FAM200B: variants seen among roughly 807,000 people sequenced by gnomAD.
FAM200B encodes zinc finger BED-type containing 11, also known as protein FAM200B.
A neutral mutation model predicts 33.1 loss-of-function variants in FAM200B; 32 were observed. That is an observed-to-expected ratio of 0.97 (90% CI 0.73 to 1.30). The LOEUF is 1.30. Ranked by LOEUF, FAM200B falls within the 50% of genes most tolerant of loss-of-function variation. The probability of loss-of-function intolerance (pLI) is 0.00; values close to 1 mark genes in which losing one functional copy is unlikely to be tolerated. For synonymous variants in FAM200B, 240 were observed against 264.8 expected (o/e 0.91, Z 0.91); for missense variants, 741 against 754.0 (o/e 0.98, Z 0.20).
At chr4:15,643,384 G>A in the FAM200B span, among the ~76,000 whole-genome samples, 5 of 152,308 alleles carry the variant, frequency 3.3e-5, no homozygotes, top group South Asian at 2.1e-4. Context: ...AGCCAGAAGG[G>A]AAATAAACTA....
chr4:15,654,902 G>C, the FAM200B span, among the ~76,000 whole-genome samples: 1 of 152,120 alleles, frequency 6.6e-6, no homozygotes, highest in African/African-American at 2.4e-5. Flanking sequence ...CGCGGCGGTG[G>C]GGCCGGCCCG....
the FAM200B span, chr4:15,644,366 T>C: frequency 6.6e-6 from 5 of 755,496 alleles, no homozygotes; most frequent in East Asian, 1.1e-4. Flanking sequence ...TTGCCATCTT[T>C]AACAAGTGAC....
the FAM200B span, among the ~76,000 whole-genome samples, chr4:15,667,302 T>C: frequency 1.6e-4 from 25 of 152,324 alleles, no homozygotes; most frequent in Non-Finnish European, 2.2e-4. Flanking sequence ...GCATATGATA[T>C]AGGCACTCAA....
the FAM200B span, among the ~76,000 whole-genome samples, chr4:15,668,220 G>A: frequency 6.6e-6 from 1 of 151,018 alleles, no homozygotes; most frequent in South Asian, 2.1e-4. Context: ...TAAATGGTCA[G>A]TTCATTTGTC....
In FAM200B at chr4:15,688,009, G is replaced by A. The variant is rs11729955; in HGVS notation, c.1032G>A (p.Glu344=). 593,859 of 1,549,896 alleles carry A rather than the reference G, an allele frequency of 0.38. 117,350 individuals are homozygous for A. Among genetic ancestry groups the A allele is most frequent in the Non-Finnish European group, 0.41 (468,053 of 1,145,696 alleles). ...GAGAAATTCCACAGAATCTCATGGA[G>A]GTATTGAAAAATGCAGTGAAAGTTG... The part of the protein sequence containing the change: ...ASREIPQNLM[E]VLKNAVKVVN... The change falls in exon 2 of 2, where the codon GAG becomes GAA. Residue 344 remains glutamate, a synonymous_variant. Coordinates refer to ENST00000422728, the MANE Select transcript of FAM200B (RefSeq NM_001145191.2).
Position 15,687,413 on chromosome 4 carries a change from G to A in FAM200B, c.436G>A (p.Ala146Thr), listed in dbSNP as rs1235982404. ...LSCSTAVSEK[A>T]LLSSYLVAYR... is the part of the protein sequence containing the mutation. The stretch of plus-strand genomic sequence containing the variant: ...TTGTTCTACTGCTGTTAGTGAGAAA[G>A]CCTTATTATCATCATATTTAGTTGC... The change falls in exon 2 of 2, where the codon GCC (alanine) becomes ACC (threonine). Residue 146 changes from alanine (A) to threonine (T), a missense_variant. Transcript: ENST00000422728. The A allele has an allele frequency of 1.9e-6, 3 of 1,549,972 alleles. No homozygotes were observed. The highest frequency in any genetic ancestry group is 2.4e-5 in the East Asian group (1 of 40,856).
chr4:15,680,787 T>C (rs1718214985), upstream of FAM200B, among the ~76,000 whole-genome samples: 1 of 151,908 alleles, frequency 6.6e-6, no homozygotes, highest in South Asian at 2.1e-4. Flanking sequence ...TAAAGTCGCA[T>C]TAAGTTTCAG....
chr4:15,643,238 T>C, the FAM200B span, among the ~76,000 whole-genome samples: 1 of 152,214 alleles, frequency 6.6e-6, no homozygotes, highest in African/African-American at 2.4e-5. Context: ...TTAATAATGG[T>C]CTTCCTCCTT....
the FAM200B span, among the ~76,000 whole-genome samples, chr4:15,661,439 C>G: frequency 6.6e-6 from 1 of 152,142 alleles, no homozygotes; most frequent in Non-Finnish European, 1.5e-5. Flanking sequence ...GCTATTTTAC[C>G]TGTAAAATGA....
rs1210511293 is a variant in FAM200B at position 15,686,965 on chromosome 4, A to C, written c.-13A>C. ...ATAACATTTTAATCAAACTGGAACA[A>C]ATTGCTATTAAAATGGATCATTTCT... On this transcript the variant is annotated 5_prime_UTR_variant, in exon 2 of 2. Transcript: ENST00000422728. 2 of 1,284,062 alleles carry C rather than the reference A, an allele frequency of 1.6e-6. No homozygotes were observed. The highest frequency in any genetic ancestry group is 2.1e-6 in the Non-Finnish European group (2 of 964,182). The allele number at this position is 1,284,062 out of a possible 1,614,324, so 79.5% of individuals were successfully genotyped here. A position where few individuals can be genotyped will look rare whatever the true frequency, so the allele number is the denominator to read the frequency against.
At chr4:15,650,855 A>C in the FAM200B span, among the ~76,000 whole-genome samples, 27 of 150,022 alleles carry the variant, frequency 1.8e-4, 1 homozygote, top group African/African-American at 6.4e-4. Context: ...CTGGTCTTGA[A>C]CTCCTGACCT....
chr4:15,681,548 G>T (rs1000834149), upstream of FAM200B: 1 of 154,994 alleles, frequency 6.5e-6, no homozygotes, highest in Non-Finnish European at 1.5e-5. Context: ...GTTCTCCGCG[G>T]TGTCTCCTAG....
chr4:15,688,711 A>G lies in FAM200B; in HGVS notation c.1734A>G (p.Leu578=), dbSNP rs1367789016. The change falls in exon 2 of 2, where the codon TTA becomes TTG. Residue 578 remains leucine, a synonymous_variant. Coordinates refer to ENST00000422728, the MANE Select transcript of FAM200B (RefSeq NM_001145191.2). ...CATTGAAGAATGATTATGAAACCTT[A>G]AGTTTATCAGCATTTTGGATGAAGG... ...SYTLKNDYET[L]SLSAFWMKVK... is the part of the protein sequence containing the mutation. 6.4e-7 allele frequency: 1 copy of G among 1,550,774 alleles called. No individual in the cohort carries two copies. The highest frequency in any genetic ancestry group is 1.4e-5 in the African/African-American group (1 of 73,020).
At chr4:15,642,640 T>C in the FAM200B span, among the ~76,000 whole-genome samples, 1 of 152,234 alleles carries the variant, frequency 6.6e-6, no homozygotes, top group Non-Finnish European at 1.5e-5. Flanking sequence ...TTCAGTCTAA[T>C]GTCCTGTTCT....
the FAM200B span, among the ~76,000 whole-genome samples, chr4:15,672,626 G>T: frequency 6.6e-6 from 1 of 152,174 alleles, no homozygotes; most frequent in Admixed American, 6.5e-5. Context: ...GAGCTTGTAG[G>T]ACTAGAAGTT....
At chr4:15,638,994 A>T in the FAM200B span, among the ~76,000 whole-genome samples, 1 of 151,826 alleles carries the variant, frequency 6.6e-6, no homozygotes, top group Non-Finnish European at 1.5e-5. Flanking sequence ...GAAAAACGCC[A>T]TCTCTACTAA....
At chr4:15,655,626 C>G in the FAM200B span, among the ~76,000 whole-genome samples, 1 of 152,202 alleles carries the variant, frequency 6.6e-6, no homozygotes, top group Non-Finnish European at 1.5e-5. Context: ...AGGGGAAAGT[C>G]GTTGCAGTGG....
the FAM200B span, chr4:15,644,436 GAT>G: frequency 7.1e-7 from 1 of 1,400,544 alleles, no homozygotes; most frequent in South Asian, 1.2e-5. Flanking sequence ...TTTTGCCAAT[GAT>G]ATACCAGAAG....
the FAM200B span, among the ~76,000 whole-genome samples, chr4:15,649,033 C>T: frequency 0.041 from 6,185 of 151,792 alleles, 401 homozygotes; most frequent in African/African-American, 0.14. Flanking sequence ...AAATGATCAA[C>T]AGATCAACAG....
Sources: allele counts gnomAD v4.1 joint callset (sites outside exome capture counted in the v4.1 genomes callset), GRCh38; gene constraint gnomAD v4.1.1; transcripts MANE v1.5; gene names NCBI Gene and HGNC (gene_info 2026-07-23, HGNC 2026-07-21).